SPRY2: variants seen among roughly 807,000 people sequenced by gnomAD.
SPRY2 encodes the protein sprouty RTK signaling antagonist 2.
A neutral mutation model predicts 23.4 loss-of-function variants in SPRY2; 10 were observed. The observed-to-expected ratio is 0.43, with a 90% CI of 0.26 to 0.73. The LOEUF (loss-of-function observed/expected upper bound fraction) is 0.73. SPRY2 is among the 30% of genes least tolerant of loss of function. SPRY2 has a pLI of 0.22. For missense variants in SPRY2, 344 were observed against 396.9 expected (o/e 0.87, Z 1.13); for synonymous variants, 170 against 156.9 (o/e 1.08, Z -0.62).
intron 1 of SPRY2, among the ~76,000 whole-genome samples, chr13:80,338,084 T>C (rs1284583717): frequency 1.3e-5 from 2 of 152,232 alleles, no homozygotes; most frequent in Non-Finnish European, 2.9e-5. Context: ...ATTGCTGGAA[T>C]ATAACACTGC....
rs1880258074 is a variant in SPRY2 at position 80,336,527 on chromosome 13, T to C, written c.*231A>G. 1.7e-6 allele frequency: 1 copy of C among 602,624 alleles called. No homozygotes were observed. The highest frequency in any genetic ancestry group is 2.9e-6 in the Non-Finnish European group (1 of 342,538). The allele number at this position is 602,624 out of a possible 1,614,324, so 37.3% of individuals were successfully genotyped here. Reference sequence around the variant, plus strand: ...GTCTGTGTTGCTTTAGCTTATGCAATACATGGGTCACCAAGTTCTGTATCT... The same window carrying C: ...GTCTGTGTTGCTTTAGCTTATGCAACACATGGGTCACCAAGTTCTGTATCT... On this transcript the variant is annotated 3_prime_UTR_variant, in exon 2 of 2. Transcript: ENST00000377104.
chr13:80,337,367 C>T lies in SPRY2; in HGVS notation c.339G>A (p.Thr113=), dbSNP rs756319225. Residue 113 remains threonine, a synonymous_variant, in exon 2 of 2, where the codon ACG becomes ACA. Coordinates refer to ENST00000377104, the MANE Select transcript of SPRY2 (RefSeq NM_005842.4). ...TACTGCTCCGCGACCCTGAGCTGAC[C>T]GTGCTTATGGATCTGGACAGAGGGG... ...ARAPLSRSIS[T]VSSGSRSSTR... is the part of the protein sequence containing the mutation. 1.1e-5 allele frequency: 17 copies of T among 1,614,010 alleles called. No homozygotes were observed. Among genetic ancestry groups the T allele is most frequent in the Non-Finnish European group, 1.4e-5 (17 of 1,180,034 alleles).
chr13:80,339,951 G>C (rs979465209), intron 1 of SPRY2, among the ~76,000 whole-genome samples: 3 of 152,250 alleles, frequency 2.0e-5, no homozygotes, highest in African/African-American at 7.2e-5. Context: ...GTGTGACCCA[G>C]GCTGACCACG....
In SPRY2 at chr13:80,336,157, T is replaced by TA. The variant is rs1880244725; in HGVS notation, c.*600dup. ...AATAAATATTCTTTACACTAAACAATATGTTGAAAAAATTAGAAAATAAAG... is the reference window on the plus strand; with the variant it reads ...AATAAATATTCTTTACACTAAACAATAATGTTGAAAAAATTAGAAAATAAAG... On this transcript the variant is annotated 3_prime_UTR_variant, in exon 2 of 2. Coordinates refer to ENST00000377104, the MANE Select transcript of SPRY2 (RefSeq NM_005842.4). The TA allele has an allele frequency of 6.5e-6, 1 of 152,906 alleles. No homozygotes were observed. The highest frequency in any genetic ancestry group is 1.5e-5 in the Non-Finnish European group (1 of 68,586). 9.5% of individuals were successfully genotyped at this position (152,906 alleles called of 1,614,324 possible).
At position 80,337,279 on chromosome 13, in the gene SPRY2, C is replaced by G. The variant is rs778275764; in HGVS notation, c.427G>C (p.Gly143Arg). 27 of 1,613,554 alleles carry G rather than the reference C, an allele frequency of 1.7e-5. No homozygotes were observed. The highest frequency in any genetic ancestry group is 6.7e-5 in the Admixed American group (4 of 60,002). ...CGGATTATGCCATCAGCAACAGGCC[C>G]GGAGGAGAAGGATGATCCTAGCAGT... The part of the protein sequence containing the change: ...QRLLGSSFSS[G>R]PVADGIIRVQ... Residue 143 changes from glycine to arginine, a missense_variant, in exon 2 of 2, where the codon GGG (glycine) becomes CGG (arginine). Gly to Arg is a moderately radical substitution (Grantham distance 125). Transcript: ENST00000377104.
rs1413689135 is a variant in SPRY2 at position 80,336,159 on chromosome 13, T to C, written c.*599A>G. 1 of 152,932 alleles carries C rather than the reference T, an allele frequency of 6.5e-6. No homozygotes were observed. The highest frequency in any genetic ancestry group is 1.5e-5 in the Non-Finnish European group (1 of 68,584). 9.5% of individuals were successfully genotyped at this position (152,932 alleles called of 1,614,324 possible). ...TAAATATTCTTTACACTAAACAATA[T>C]GTTGAAAAAATTAGAAAATAAAGGT... On this transcript the variant is annotated 3_prime_UTR_variant, in exon 2 of 2. Transcript: ENST00000377104.
At position 80,337,493 on chromosome 13, in the gene SPRY2, A is replaced by C. The variant is rs914218698; in HGVS notation, c.213T>G (p.Pro71=). 1.2e-6 allele frequency: 2 copies of C among 1,614,094 alleles called. No individual in the cohort carries two copies. The highest frequency in any genetic ancestry group is 1.7e-5 in the Admixed American group (1 of 60,022). ...CGTGTTTGTGCTGAGTGGAGGGGCG[A>C]GGAGCAGGCTTGAGCCCAGGTCTTG... ...VVPRPGLKPA[P]RPSTQHKHER... Residue 71 remains proline, a synonymous_variant, in exon 2 of 2, where the codon CCT becomes CCG. Transcript: ENST00000377104.
At position 80,337,536 on chromosome 13, in the gene SPRY2, T is replaced by C; in HGVS notation, c.170A>G (p.Glu57Gly). The change falls in exon 2 of 2, where the codon GAG becomes GGG. Residue 57 changes from glutamate to glycine, a missense_variant. Physicochemically the swap from Glu to Gly is moderately conservative, Grantham distance 98 (BLOSUM62 -2). Transcript: ENST00000377104. ...RAIRNTNEYT[E>G]GPTVVPRPGL... ...AGGTCTTGGGACGACAGTAGGCCCCTCTGTGTACTCATTGGTGTTTCGGAT... is the reference window on the plus strand; with the variant it reads ...AGGTCTTGGGACGACAGTAGGCCCCCCTGTGTACTCATTGGTGTTTCGGAT... The C allele has an allele frequency of 6.2e-7, 1 of 1,614,076 alleles. No homozygotes were observed. The highest frequency in any genetic ancestry group is 8.5e-7 in the Non-Finnish European group (1 of 1,180,028).
Position 80,336,648 on chromosome 13 carries a change from C to T in SPRY2, c.*110G>A. 8.6e-7 allele frequency: 1 copy of T among 1,161,776 alleles called. No homozygotes were observed. The highest frequency in any genetic ancestry group is 1.2e-6 in the Non-Finnish European group (1 of 802,236). 72.0% of individuals were successfully genotyped at this position (1,161,776 alleles called of 1,614,324 possible). A position where few individuals can be genotyped will look rare whatever the true frequency, so the allele number is the denominator to read the frequency against. On this transcript the variant is annotated 3_prime_UTR_variant, in exon 2 of 2. Coordinates refer to ENST00000377104, the MANE Select transcript of SPRY2 (RefSeq NM_005842.4). ...TTCACCGCAAACAGCAAAGACTATCCCACCTTTCTATTAACAGTGCCAAGA... is the reference window on the plus strand; with the variant it reads ...TTCACCGCAAACAGCAAAGACTATCTCACCTTTCTATTAACAGTGCCAAGA...
intron 1 of SPRY2, among the ~76,000 whole-genome samples, 167 bp from the exon 2 acceptor site, chr13:80,337,923 G>A (rs1880347654): frequency 6.6e-6 from 1 of 152,218 alleles, no homozygotes; most frequent in Non-Finnish European, 1.5e-5. Context: ...GTACCCAAAA[G>A]TAAAAATTAC....
Position 80,340,804 on chromosome 13 carries a change from C to T in SPRY2, c.-234G>A, listed in dbSNP as rs1299921602. 1.3e-5 allele frequency: 2 copies of T among 152,266 alleles called. No homozygotes were observed. The allele number at this position is 152,266 out of a possible 1,614,324, so 9.4% of individuals were successfully genotyped here. A position where few individuals can be genotyped will look rare whatever the true frequency, so the allele number is the denominator to read the frequency against. The stretch of plus-strand genomic sequence containing the variant: ...GAGCCAGATTCCCCGCTGATGAACA[C>T]TCCGGGGTTCGGAGCTGGAGACGAC... On this transcript the variant is annotated 5_prime_UTR_variant, in exon 1 of 2. It adds an upstream start codon to the 5' untranslated region. Transcript: ENST00000377104.
At position 80,337,262 on chromosome 13, in the gene SPRY2, G is replaced by T. The variant is rs1215432596; in HGVS notation, c.444C>A (p.Gly148=). ...SSFSSGPVAD[G]IIRVQPKSEL... Reference sequence around the variant, plus strand: ...CAGATTTGGGTTGCACCCGGATTATGCCATCAGCAACAGGCCCGGAGGAGA... The same window carrying T: ...CAGATTTGGGTTGCACCCGGATTATTCCATCAGCAACAGGCCCGGAGGAGA... The change falls in exon 2 of 2, where the codon GGC becomes GGA. Residue 148 remains glycine (G), a synonymous_variant. Transcript: ENST00000377104. The T allele has an allele frequency of 2.5e-5, 41 of 1,612,804 alleles. No individual in the cohort carries two copies. The highest frequency in any genetic ancestry group is 3.4e-5 in the Non-Finnish European group (40 of 1,178,940).
rs890778882 is a variant in SPRY2 at position 80,336,699 on chromosome 13, T to C, written c.*59A>G. ...TTATAACTGTTTAGTTGGTTGCATA[T>C]GTGTATTAAAAAAAGAAAGAAAAAA... On this transcript the variant is annotated 3_prime_UTR_variant, in exon 2 of 2. Transcript: ENST00000377104. 1 of 1,474,864 alleles carries C rather than the reference T, an allele frequency of 6.8e-7. No individual in the cohort carries two copies. Among genetic ancestry groups the C allele is most frequent in the African/African-American group, 1.4e-5 (1 of 71,720 alleles). 91.4% of individuals were successfully genotyped at this position (1,474,864 alleles called of 1,614,324 possible).
chr13:80,337,770 G>C lies in SPRY2; in HGVS notation c.-51-14C>G. 1 of 1,482,974 alleles carries C rather than the reference G, an allele frequency of 6.7e-7. No homozygotes were observed. Among genetic ancestry groups the C allele is most frequent in the Non-Finnish European group, 9.3e-7 (1 of 1,078,956 alleles). The allele number at this position is 1,482,974 out of a possible 1,614,324, so 91.9% of individuals were successfully genotyped here. A position where few individuals can be genotyped will look rare whatever the true frequency, so the allele number is the denominator to read the frequency against. On this transcript the variant is annotated splice_polypyrimidine_tract_variant and intron_variant, in intron 1 of 1. Transcript: ENST00000377104. ...ACATCTGAACTCCTGAGGAAGCCAA[G>C]AGGAAAGAACGGTTGATACTCTAAG...
At position 80,337,715 on chromosome 13, in the gene SPRY2, G is replaced by C; in HGVS notation, c.-10C>G. ...GAGCTCTGGCCTCCATCAGGTCTTG[G>C]AAGTGTGGTCACTCCAGCAGGCTTA... On this transcript the variant is annotated 5_prime_UTR_variant, in exon 2 of 2. Coordinates refer to ENST00000377104, the MANE Select transcript of SPRY2 (RefSeq NM_005842.4). 6.2e-7 allele frequency: 1 copy of C among 1,607,546 alleles called. No individual in the cohort carries two copies. The highest frequency in any genetic ancestry group is 8.5e-7 in the Non-Finnish European group (1 of 1,179,700).
rs200854267 is a variant in SPRY2 at position 80,337,076 on chromosome 13, C to T, written c.630G>A (p.Gln210=). The T allele has an allele frequency of 5.6e-6, 9 of 1,614,230 alleles. No individual in the cohort carries two copies. The East Asian group carries it at 1.3e-4, about 24-fold the overall frequency. ...ICDKQCLCSA[Q]NVIDYGTCVC... ...CACAAGTCCCATAGTCAATCACGTT[C>T]TGGGCCGAGCAAAGGCACTGCTTGT... is the stretch of plus-strand genomic sequence containing the variant. Residue 210 remains glutamine (Q), a synonymous_variant, in exon 2 of 2, where the codon CAG becomes CAA. Coordinates refer to ENST00000377104, the MANE Select transcript of SPRY2 (RefSeq NM_005842.4).
chr13:80,339,968 G>A (rs1467799070), intron 1 of SPRY2, among the ~76,000 whole-genome samples: 1 of 152,182 alleles, frequency 6.6e-6, no homozygotes. Context: ...CACGAAGAAC[G>A]GAAGAGAGAG....
At position 80,336,232 on chromosome 13, in the gene SPRY2, CAG is replaced by C; in HGVS notation, c.*524_*525del. 1.2e-5 allele frequency: 2 copies of C among 171,102 alleles called. No homozygotes were observed. The highest frequency in any genetic ancestry group is 2.5e-5 in the Non-Finnish European group (2 of 78,768). The allele number at this position is 171,102 out of a possible 1,614,324, so 10.6% of individuals were successfully genotyped here. On this transcript the variant is annotated 3_prime_UTR_variant, in exon 2 of 2. Transcript: ENST00000377104. The stretch of plus-strand genomic sequence containing the variant: ...ATATACATGAAGTCCAAAGGGAAAT[CAG>C]AGTCTTACAATAAAGGCTTTCTGTA...
Position 80,337,212 on chromosome 13 carries a change from GGCT to G in SPRY2, c.491_493del (p.Lys164_Pro165delinsThr). The G allele has an allele frequency of 1.2e-6, 2 of 1,611,834 alleles. No homozygotes were observed. On this transcript the variant is annotated inframe_deletion, in exon 2 of 2. Transcript: ENST00000377104. ...CAGGCCCAAATCTTCCTTGCTCAGT[GGCT>G]TAAGCTCACCTGGCTTGAGCTCAGA...
Sources: gnomAD v4.1 joint callset for allele counts (sites outside exome capture counted in the v4.1 genomes callset) on GRCh38, gnomAD v4.1.1 for gene constraint, MANE v1.5 for transcripts, NCBI Gene and HGNC (gene_info 2026-07-23, HGNC 2026-07-21) for gene names.